The following CYRIB variants were observed in gnomAD, a reference collection of about 807,000 sequenced individuals.
The protein encoded by CYRIB is CYFIP-related Rac1 interactor B.
A neutral mutation model predicts 44.2 loss-of-function variants in CYRIB; 8 were observed. The ratio of observed to expected loss-of-function variants is 0.18; its 90% CI spans 0.11 to 0.33. The LOEUF is 0.33. CYRIB is among the 10% of genes least tolerant of loss of function. The pLI, the probability that CYRIB is intolerant of heterozygous loss-of-function variation, is 1.00. For synonymous variants in CYRIB, 131 were observed against 127.2 expected (o/e 1.03, Z -0.20); for missense variants, 185 against 382.8 (o/e 0.48, Z 4.31).
intron 1 of CYRIB, among the ~76,000 whole-genome samples, chr8:129,977,031 G>A (rs765526868): frequency 3.3e-5 from 5 of 152,018 alleles, no homozygotes; most frequent in Non-Finnish European, 7.4e-5. Context: ...TAGTGGAGAC[G>A]GGGTTTCACC....
intron 5 of CYRIB, 147 bp downstream of exon 7, chr8:129,862,082 A>C: frequency 3.4e-6 from 2 of 593,320 alleles, no homozygotes; most frequent in Non-Finnish European, 5.9e-6. Flanking sequence ...GATTAACTAT[A>C]ATCTTACAGT....
intron 11 of CYRIB, among the ~76,000 whole-genome samples, chr8:129,843,391 G>T (rs1296553513): frequency 1.3e-5 from 2 of 152,022 alleles, no homozygotes; most frequent in Non-Finnish European, 2.9e-5. Context: ...CAGCAGGGAG[G>T]CATTAAATAA....
intron 2 of CYRIB, among the ~76,000 whole-genome samples, chr8:129,881,921 C>A (rs961207273): frequency 1.3e-5 from 2 of 152,144 alleles, no homozygotes; most frequent in African/African-American, 2.4e-5. Flanking sequence ...AATCATCACA[C>A]CCAAATAATT....
intron 2 of CYRIB, among the ~76,000 whole-genome samples, chr8:129,882,759 C>T (rs933927387): frequency 2.0e-5 from 3 of 152,112 alleles, no homozygotes; most frequent in African/African-American, 4.8e-5. Flanking sequence ...GTTCTTCTTT[C>T]CAGGCACCCG....
intron 1 of CYRIB, among the ~76,000 whole-genome samples, chr8:130,012,132 C>T (rs945835328): frequency 6.6e-6 from 1 of 151,814 alleles, no homozygotes; most frequent in Non-Finnish European, 1.5e-5. Flanking sequence ...TCATCAACTT[C>T]GATTATTTAT....
chr8:129,931,814 A>G (rs1255441685), intron 1 of CYRIB, among the ~76,000 whole-genome samples: 1 of 151,392 alleles, frequency 6.6e-6, no homozygotes, highest in Non-Finnish European at 1.5e-5. Context: ...TTAAGTAGAG[A>G]CGAGGTTTCA....
chr8:129,849,438 A>G, intron 9 of CYRIB, 69 bp from the exon 12 acceptor site: 1 of 1,417,462 alleles, frequency 7.1e-7, no homozygotes. Flanking sequence ...ACACACACAC[A>G]AGAAAAACCT....
rs79609758 is a variant in CYRIB, at chr8:129,843,421, C to G, written c.912-1216G>C. Among the ~76,000 whole-genome samples the G allele has an allele frequency of 5.3e-5, 8 of 152,270 alleles. No individual in the cohort carries two copies. In the East Asian group the frequency reaches 1.3e-3, roughly 26 times the overall value. ...AAATAAGGGGGCTGTTACTGAGCAC[C>G]AAGTGTGAGATAATCAGATGTCAAG... On this transcript the variant is annotated intron_variant, in intron 11 of 11. Coordinates refer to ENST00000519824, the Ensembl canonical transcript of CYRIB.
chr8:129,914,066 G>T (rs1386609029), intron 1 of CYRIB, among the ~76,000 whole-genome samples: 1 of 152,090 alleles, frequency 6.6e-6, no homozygotes, highest in Non-Finnish European at 1.5e-5. Flanking sequence ...CTGCATACCT[G>T]TTATTCACTA....
At chr8:129,880,933 T>A (rs1397534259) in intron 2 of CYRIB, among the ~76,000 whole-genome samples, 2 of 152,148 alleles carry the variant, frequency 1.3e-5, no homozygotes, top group Non-Finnish European at 2.9e-5. Flanking sequence ...TAAAGAAAGT[T>A]ATCAATTAAT....
chr8:129,884,304 T>C (rs931946727), intron 2 of CYRIB, among the ~76,000 whole-genome samples: 1 of 152,204 alleles, frequency 6.6e-6, no homozygotes, highest in African/African-American at 2.4e-5. Context: ...AAGATTTTTT[T>C]TGAGACGGGG....
chr8:129,941,366 C>A (rs28445619), upstream of CYRIB, among the ~76,000 whole-genome samples: 27,139 of 150,732 alleles, frequency 0.18, 2,653 homozygotes, highest in Non-Finnish European at 0.22. Flanking sequence ...TTCCACCTCC[C>A]AGGTTCAAGC....
intron 1 of CYRIB, among the ~76,000 whole-genome samples, chr8:129,989,666 TTAAG>T (rs1380456495): frequency 6.6e-6 from 1 of 151,544 alleles, no homozygotes; most frequent in Non-Finnish European, 1.5e-5. Context: ...TAATTATACT[TTAAG>T]TTTTAGGGTA....
exon 12 of CYRIB, chr8:129,840,313 T>C (rs1382997042): frequency 6.6e-6 from 1 of 152,394 alleles, no homozygotes; most frequent in African/African-American, 2.4e-5. Context: ...CTTTGGCTCA[T>C]AGATGCATTG....
chr8:130,007,417 T>C (rs1164709538), intron 1 of CYRIB, among the ~76,000 whole-genome samples: 2 of 152,242 alleles, frequency 1.3e-5, no homozygotes, highest in Non-Finnish European at 2.9e-5. Context: ...TTTCTCAGTT[T>C]CCTCATCTGT....
intron 1 of CYRIB, among the ~76,000 whole-genome samples, chr8:129,926,681 G>A (rs1466119661): frequency 6.6e-6 from 1 of 152,182 alleles, no homozygotes; most frequent in Non-Finnish European, 1.5e-5. Context: ...GCTGGATCCT[G>A]AGATATTTTC....
chr8:129,964,473 T>A (rs1283567253), intron 2 of CYRIB, among the ~76,000 whole-genome samples: 2 of 152,222 alleles, frequency 1.3e-5, no homozygotes, highest in African/African-American at 4.8e-5. Context: ...CAGATTTCTA[T>A]GAAGCAGCTG....
intron 1 of CYRIB, among the ~76,000 whole-genome samples, chr8:129,983,829 C>T (rs971073262): frequency 3.9e-5 from 6 of 152,226 alleles, no homozygotes; most frequent in African/African-American, 1.2e-4. Flanking sequence ...CCGCTGGGTG[C>T]GGAACCGGGT....
At chr8:129,990,996 G>A (rs1001333058) in intron 1 of CYRIB, among the ~76,000 whole-genome samples, 1 of 152,096 alleles carries the variant, frequency 6.6e-6, no homozygotes, top group African/African-American at 2.4e-5. Context: ...GCCAGGTGCA[G>A]TGGCAGGCGC....
Sources: allele counts gnomAD v4.1 joint callset (sites outside exome capture counted in the v4.1 genomes callset), GRCh38; gene constraint gnomAD v4.1.1; transcripts MANE v1.5; gene names NCBI Gene and HGNC (gene_info 2026-07-23, HGNC 2026-07-21).